The following PRELID2 variants were observed in gnomAD, a reference collection of about 807,000 sequenced individuals.
PRELID2 encodes the protein PRELI domain containing 2.
A neutral mutation model predicts 28.4 loss-of-function variants in PRELID2; 25 were observed. The ratio of observed to expected loss-of-function variants is 0.88; its 90% confidence interval spans 0.64 to 1.23. PRELID2 has a LOEUF of 1.23. PRELID2 is among the 50% of genes most tolerant of loss of function. The pLI, the probability that PRELID2 is intolerant of heterozygous loss-of-function variation, is 0.00. For missense variants in PRELID2, 201 were observed against 214.4 expected (o/e 0.94, Z 0.39); for synonymous variants, 76 against 71.6 (o/e 1.06, Z -0.31).
chr5:145,526,133 G>A (rs1437233699), intron 1 of PRELID2, among the ~76,000 whole-genome samples: 1 of 152,198 alleles, frequency 6.6e-6, no homozygotes, highest in African/African-American at 2.4e-5. Flanking sequence ...TGCCAGCCAT[G>A]ATGCTTTTAC....
chr5:145,752,004 G>A (rs981070506), downstream of PRELID2, among the ~76,000 whole-genome samples: 8 of 152,000 alleles, frequency 5.3e-5, no homozygotes, highest in African/African-American at 1.7e-4. Flanking sequence ...AGTTTTTGTC[G>A]GTCTATGCTG....
intron 1 of PRELID2, among the ~76,000 whole-genome samples, chr5:145,726,259 C>A (rs1359538055): frequency 1.1e-5 from 1 of 92,618 alleles, no homozygotes; most frequent in Non-Finnish European, 2.0e-5. Context: ...GAGGGAGGGA[C>A]GGAGGGGGAA....
chr5:145,679,682 T>C (rs74555299), intron 1 of PRELID2, among the ~76,000 whole-genome samples: 10,467 of 152,028 alleles, frequency 0.069, 549 homozygotes, highest in Admixed American at 0.18. Flanking sequence ...ATGAAGTTGA[T>C]GAAAGAAATA....
At chr5:145,460,577 G>A in the PRELID2 span, among the ~76,000 whole-genome samples, 53 of 152,126 alleles carry the variant, frequency 3.5e-4, 1 homozygote, top group East Asian at 5.6e-3. Context: ...AGTGTATTCT[G>A]GACACCATTT....
the PRELID2 span, among the ~76,000 whole-genome samples, chr5:145,362,810 T>C: frequency 6.6e-6 from 1 of 152,132 alleles, no homozygotes; most frequent in Admixed American, 6.6e-5. Flanking sequence ...CATGGTGTTT[T>C]GGCTGCCATG....
intron 1 of PRELID2, among the ~76,000 whole-genome samples, chr5:145,672,234 A>G (rs1428274239): frequency 1.3e-5 from 2 of 152,142 alleles, no homozygotes; most frequent in Non-Finnish European, 2.9e-5. Flanking sequence ...GAAGGGGGAA[A>G]TAGTGAAAAG....
chr5:145,824,657 T>C (rs1192554956), intron 1 of PRELID2, among the ~76,000 whole-genome samples: 2 of 152,080 alleles, frequency 1.3e-5, no homozygotes, highest in South Asian at 2.1e-4. Context: ...ACTCAGTCAA[T>C]ATTTTCTGGA....
At position 145,728,450 on chromosome 5, in the gene PRELID2, C is replaced by G. The variant is rs1756239936; in HGVS notation, n.70+36481G>C. The G allele has an allele frequency of 6.7e-6, 4 of 600,856 alleles. No homozygotes were observed. The South Asian group carries it at 7.6e-5, about 11-fold the overall frequency. The allele number at this position is 600,856 out of a possible 1,614,324, so 37.2% of individuals were successfully genotyped here. On this transcript the variant is annotated intron_variant and non_coding_transcript_variant, in intron 1 of 2. Coordinates refer to the PRELID2 transcript ENST00000510259. ...AAGAGACAAAACAGGGACCCCGGATCTGGAACCAGATTGAAGGGAACAGGA... is the reference window on the plus strand; with the variant it reads ...AAGAGACAAAACAGGGACCCCGGATGTGGAACCAGATTGAAGGGAACAGGA...
chr5:145,731,332 C>G (rs938946882), intron 1 of PRELID2, among the ~76,000 whole-genome samples: 7 of 152,168 alleles, frequency 4.6e-5, no homozygotes, highest in African/African-American at 1.7e-4. Context: ...TAATCCTGCT[C>G]CATTCCTAAA....
chr5:145,817,220 A>AAAATATATATATATATATAT (rs1554099385), intron 4 of PRELID2, among the ~76,000 whole-genome samples: 1 of 66,512 alleles, frequency 1.5e-5, no homozygotes, highest in Non-Finnish European at 3.7e-5. Flanking sequence ...AATAAAAAAA[A>AAAATATATATATATATATAT]ATATATATAT....
chr5:145,408,631 G>T, the PRELID2 span, among the ~76,000 whole-genome samples: 1 of 151,562 alleles, frequency 6.6e-6, no homozygotes, highest in Admixed American at 6.6e-5. Flanking sequence ...AGAGCTTGAA[G>T]AAAAGGCTTT....
intron 1 of PRELID2, among the ~76,000 whole-genome samples, chr5:145,702,410 T>C (rs1054412278): frequency 1.3e-4 from 20 of 152,230 alleles, no homozygotes; most frequent in African/African-American, 4.6e-4. Context: ...AATGTGTTTT[T>C]CTTTTCTCTG....
chr5:145,663,520 G>A (rs767650781), intron 1 of PRELID2, among the ~76,000 whole-genome samples: 10 of 152,168 alleles, frequency 6.6e-5, no homozygotes, highest in Non-Finnish European at 1.3e-4. Flanking sequence ...TATACTGGCT[G>A]TGAACATTCA....
intron 1 of PRELID2, among the ~76,000 whole-genome samples, chr5:145,693,898 T>C (rs1755203092): frequency 6.6e-6 from 1 of 152,210 alleles, no homozygotes; most frequent in South Asian, 2.1e-4. Context: ...GGTCTTGATA[T>C]AGTGATAGGG....
At chr5:145,291,337 G>GAAAAAAAAAAA in the PRELID2 span, among the ~76,000 whole-genome samples, 86 of 41,730 alleles carry the variant, frequency 2.1e-3, 3 homozygotes, top group African/African-American at 6.6e-3. Context: ...CTCTGTTTCA[G>GAAAAAAAAAAA]AAAAAAAAAA....
intron 1 of PRELID2, among the ~76,000 whole-genome samples, chr5:145,542,783 T>TTCTTTCTG (rs397750315): frequency 7.9e-5 from 9 of 114,562 alleles, no homozygotes; most frequent in Non-Finnish European, 1.7e-4. Flanking sequence ...CTTTCTTTCT[T>TTCTTTCTG]TCTGTCTTTT....
chr5:145,750,957 AGACT>A (rs1295256754), intron 1 of PRELID2, among the ~76,000 whole-genome samples: 4 of 152,356 alleles, frequency 2.6e-5, no homozygotes, highest in Admixed American at 1.3e-4. Flanking sequence ...TAAACACTGT[AGACT>A]GACTGGTTAG....
chr5:145,416,561 T>C, the PRELID2 span, among the ~76,000 whole-genome samples: 5 of 152,008 alleles, frequency 3.3e-5, no homozygotes, highest in Admixed American at 2.6e-4. Flanking sequence ...GGGTAAATAA[T>C]GAATTTAAGG....
chr5:145,459,849 G>A, the PRELID2 span, among the ~76,000 whole-genome samples: 18 of 145,616 alleles, frequency 1.2e-4, no homozygotes, highest in South Asian at 4.3e-4. Flanking sequence ...TTTCTCTGTC[G>A]CCCAGGCTGG....
Sources: gnomAD v4.1 joint callset for allele counts (sites outside exome capture counted in the v4.1 genomes callset) on GRCh38, gnomAD v4.1.1 for gene constraint, MANE v1.5 for transcripts, NCBI Gene and HGNC (gene_info 2026-07-23, HGNC 2026-07-21) for gene names.